Variants in ABCA13 observed in about 807,000 individuals in gnomAD.
The protein encoded by ABCA13 is ATP-binding cassette sub-family A member 13.
Under a neutral mutation model 478.7 loss-of-function variants are expected in ABCA13, and 476 were observed. The ratio of observed to expected loss-of-function variants is 0.99; its 90% CI spans 0.92 to 1.07. The LOEUF (loss-of-function observed/expected upper bound fraction) is 1.07, where lower values mean the gene tolerates loss of function less well. Among genes scored for constraint, ABCA13 ranks in the 50% least tolerant of loss-of-function variants. The pLI is 0.00. For missense variants in ABCA13, 6,060 were observed against 5,910.6 expected (o/e 1.03, Z -0.83); for synonymous variants, 2,252 against 2,158.9 (o/e 1.04, Z -1.20).
Position 48,274,510 on chromosome 7 carries a change from C to T in ABCA13, c.4844C>T (p.Ser1615Leu). Residue 1615 changes from serine (S) to leucine (L), a missense_variant, in exon 17 of 62, where the codon TCA (serine) becomes TTA (leucine). Ser to Leu is a moderately radical substitution (Grantham distance 145). Transcript: ENST00000435803. Reference protein sequence around the residue: ...AFSLSHDLQNSPKIIISPEIM... With the variant: ...AFSLSHDLQNLPKIIISPEIM... The stretch of plus-strand genomic sequence containing the variant: ...AGCTTATCTCATGACCTCCAAAATT[C>T]ACCAAAAATAATAATTTCACCTGAA... The T allele has an allele frequency of 2.5e-6, 4 of 1,613,842 alleles. No individual in the cohort carries two copies. Among genetic ancestry groups the T allele is most frequent in the Non-Finnish European group, 3.4e-6 (4 of 1,179,842 alleles).
intron 55 of ABCA13, among the ~76,000 whole-genome samples, chr7:48,558,422 G>A (rs1217355838): frequency 6.6e-6 from 1 of 151,260 alleles, no homozygotes; most frequent in African/African-American, 2.4e-5. Flanking sequence ...TCAGCCTCCC[G>A]AGTAACTGGG....
At chr7:48,381,825 C>T (rs1395223427) in intron 35 of ABCA13, among the ~76,000 whole-genome samples, 1 of 152,120 alleles carries the variant, frequency 6.6e-6, no homozygotes, top group Non-Finnish European at 1.5e-5. Flanking sequence ...TATTAATGTG[C>T]CCAATTACAT....
intron 42 of ABCA13, among the ~76,000 whole-genome samples, chr7:48,451,034 G>A (rs1824962593): frequency 7.9e-6 from 1 of 125,972 alleles, no homozygotes; most frequent in Non-Finnish European, 1.6e-5. Context: ...GTCTCACTCT[G>A]TCACCCAGGC....
chr7:48,219,550 G>A, intron 4 of ABCA13, 45 bp downstream of exon 4: 1 of 1,571,522 alleles, frequency 6.4e-7, no homozygotes, highest in Non-Finnish European at 8.6e-7. Flanking sequence ...CCTGGACATA[G>A]CTTAAGGAGA....
At chr7:48,250,192 G>A (rs1266902003) in intron 15 of ABCA13, among the ~76,000 whole-genome samples, 1 of 152,174 alleles carries the variant, frequency 6.6e-6, no homozygotes, top group Non-Finnish European at 1.5e-5. Context: ...GGGGCATGGA[G>A]CTTCTATGCC....
intron 45 of ABCA13, among the ~76,000 whole-genome samples, chr7:48,475,994 G>A (rs1214678563): frequency 6.6e-6 from 1 of 152,188 alleles, no homozygotes; most frequent in Non-Finnish European, 1.5e-5. Context: ...GACTGAGTGT[G>A]GCTTTATACA....
chr7:48,317,404 G>C (rs1802755611), intron 27 of ABCA13, 108 bp downstream of exon 27: 2 of 1,241,144 alleles, frequency 1.6e-6, no homozygotes, highest in East Asian at 2.7e-5. Flanking sequence ...TATGTAGAAG[G>C]CTCTTGTTTT....
chr7:48,279,977 A>G (rs1796817848), intron 18 of ABCA13, 57 bp downstream of exon 18: 1 of 1,441,256 alleles, frequency 6.9e-7, no homozygotes, highest in Admixed American at 2.9e-5. Context: ...GCTATAAAAT[A>G]GAACCATGCA....
At chr7:48,644,902 T>A in intron 61 of ABCA13, 148 bp downstream of exon 61, 2 of 894,368 alleles carry the variant, frequency 2.2e-6, no homozygotes, top group Non-Finnish European at 3.2e-6. Flanking sequence ...ATAAGGATGG[T>A]GAGTGTCAGA....
intron 45 of ABCA13, among the ~76,000 whole-genome samples, chr7:48,473,536 C>T (rs1827751884): frequency 1.3e-5 from 2 of 152,214 alleles, no homozygotes; most frequent in South Asian, 4.1e-4. Context: ...TTTCTTCCTT[C>T]CTTCTCTCTC....
intron 55 of ABCA13, among the ~76,000 whole-genome samples, chr7:48,562,070 G>C (rs7457791): frequency 0.14 from 20,821 of 150,472 alleles, 1,818 homozygotes; most frequent in African/African-American, 0.23. Context: ...TCCTTCCTCT[G>C]TGAGCCGGGG....
chr7:48,529,206 A>C (rs1013157547), intron 55 of ABCA13, among the ~76,000 whole-genome samples: 1 of 152,122 alleles, frequency 6.6e-6, no homozygotes, highest in African/African-American at 2.4e-5. Flanking sequence ...TCTGTGCTCA[A>C]TTTGCTCTTT....
At chr7:48,207,419 A>G (rs935981250) in intron 3 of ABCA13, among the ~76,000 whole-genome samples, 1 of 152,210 alleles carries the variant, frequency 6.6e-6, no homozygotes, top group East Asian at 1.9e-4. Context: ...TCCTGCCAAC[A>G]GTGTACAAGA....
chr7:48,417,636 C>T (rs1820204793), intron 41 of ABCA13, among the ~76,000 whole-genome samples: 1 of 152,212 alleles, frequency 6.6e-6, no homozygotes, highest in South Asian at 2.1e-4. Flanking sequence ...CCACTATCAA[C>T]ATCCCTGCAG....
chr7:48,195,712 A>T (rs1797833823), intron 2 of ABCA13, among the ~76,000 whole-genome samples: 1 of 152,222 alleles, frequency 6.6e-6, no homozygotes, highest in Admixed American at 6.5e-5. Flanking sequence ...AGAAACTTCC[A>T]GAACATAGGC....
intron 31 of ABCA13, among the ~76,000 whole-genome samples, chr7:48,353,025 G>C (rs1355327928): frequency 6.6e-6 from 1 of 151,978 alleles, no homozygotes; most frequent in Non-Finnish European, 1.5e-5. Context: ...GGCTGGAGCA[G>C]CTGGACAAGA....
intron 19 of ABCA13, 35 bp from the exon 20 acceptor site, chr7:48,287,925 C>T (rs1797987474): frequency 6.5e-7 from 1 of 1,541,718 alleles, no homozygotes; most frequent in Non-Finnish European, 9.0e-7. Context: ...AGAGGACTGT[C>T]TATTAATTAT....
intron 5 of ABCA13, among the ~76,000 whole-genome samples, chr7:48,225,123 G>GCCTA (rs1320895201): frequency 0.043 from 4,377 of 102,780 alleles, 61 homozygotes; most frequent in Admixed American, 0.068. Flanking sequence ...CTGCCTGCCT[G>GCCTA]CCTGCCTGCC....
chr7:48,489,630 A>G (rs1329621635), intron 48 of ABCA13, among the ~76,000 whole-genome samples: 1 of 152,190 alleles, frequency 6.6e-6, no homozygotes, highest in Non-Finnish European at 1.5e-5. Flanking sequence ...CTGTGACTTA[A>G]TATCTTACAG....
Sources: gnomAD v4.1 joint callset for allele counts (sites outside exome capture counted in the v4.1 genomes callset) on GRCh38, gnomAD v4.1.1 for gene constraint, MANE v1.5 for transcripts, NCBI Gene and HGNC (gene_info 2026-07-23, HGNC 2026-07-21) for gene names.